Variants in PTPRM observed in about 807,000 individuals in gnomAD.
PTPRM encodes the protein protein tyrosine phosphatase receptor type M, also known as receptor-type tyrosine-protein phosphatase mu.
A neutral mutation model predicts 186.7 loss-of-function variants in PTPRM; 47 were observed. That is an observed-to-expected ratio of 0.25 (90% CI 0.20 to 0.32). PTPRM has a LOEUF of 0.32. Ranked by LOEUF, PTPRM falls within the 10% of genes least tolerant of loss-of-function variation. The probability of loss-of-function intolerance (pLI) is 1.00; values close to 1 mark genes in which losing one functional copy is unlikely to be tolerated. For synonymous variants in PTPRM, 668 were observed against 674.9 expected (o/e 0.99, Z 0.16); for missense variants, 1,494 against 1,865.0 (o/e 0.80, Z 3.66).
At position 8,380,421 on chromosome 18, in the gene PTPRM, T is replaced by C. The variant is rs3744983; in HGVS notation, c.3912T>C (p.Pro1304=). ...TAGTTATGCTAAATGATGTGGATCCTGCCCAGGTGAGACCCGGACTTCTTA... is the reference window on the plus strand; with the variant it reads ...TAGTTATGCTAAATGATGTGGATCCCGCCCAGGTGAGACCCGGACTTCTTA... The part of the protein sequence containing the change: ...TSVVMLNDVD[P]AQLCPQYWPE... Residue 1304 remains proline (P), a synonymous_variant, in exon 29 of 33, where the codon CCT becomes CCC. Coordinates refer to ENST00000580170, the MANE Select transcript of PTPRM (RefSeq NM_001105244.2). 525 of 1,614,216 alleles carry C rather than the reference T, an allele frequency of 3.3e-4. 3 individuals are homozygous for C. In the East Asian group the frequency reaches 0.011, roughly 33 times the overall value.
intron 1 of PTPRM, among the ~76,000 whole-genome samples, chr18:7,752,360 A>T (rs1041732842): frequency 6.6e-6 from 1 of 151,462 alleles, no homozygotes; most frequent in South Asian, 2.1e-4. Context: ...TTCTTTTTTT[A>T]AAAAAATTTC....
chr18:8,222,206 C>T (rs978575258), intron 14 of PTPRM, among the ~76,000 whole-genome samples: 1 of 152,096 alleles, frequency 6.6e-6, no homozygotes, highest in East Asian at 1.9e-4. Flanking sequence ...TTTTTCAGGC[C>T]AGATTTTGGT....
intron 4 of PTPRM, among the ~76,000 whole-genome samples, chr18:7,925,149 C>T (rs898207807): frequency 1.3e-5 from 2 of 152,058 alleles, no homozygotes; most frequent in Non-Finnish European, 2.9e-5. Flanking sequence ...AAGAGAAATT[C>T]ATTTAGGGAC....
chr18:7,859,028 G>A (rs1272712706), intron 2 of PTPRM, among the ~76,000 whole-genome samples: 2 of 152,120 alleles, frequency 1.3e-5, no homozygotes, highest in African/African-American at 4.8e-5. Flanking sequence ...CTGGGGTTTT[G>A]CCCCAAAGTG....
At chr18:7,673,137 T>A (rs2039257055) in intron 1 of PTPRM, among the ~76,000 whole-genome samples, 1 of 152,218 alleles carries the variant, frequency 6.6e-6, no homozygotes, top group East Asian at 1.9e-4. Flanking sequence ...TGGAGATTAA[T>A]GCTGGACTTG....
At chr18:8,095,852 C>T (rs980349366) in intron 11 of PTPRM, among the ~76,000 whole-genome samples, 11 of 152,006 alleles carry the variant, frequency 7.2e-5, no homozygotes, top group African/African-American at 9.7e-5. Flanking sequence ...AATACTAGAA[C>T]GCTTGAAATT....
intron 3 of PTPRM, 25 bp from the exon 4 acceptor site, chr18:7,906,480 A>C (rs769193392): frequency 1.9e-6 from 3 of 1,549,568 alleles, no homozygotes; most frequent in South Asian, 1.1e-5. Flanking sequence ...TGAATAAATA[A>C]TGTAAATCTT....
chr18:8,208,967 C>T (rs1436705981), intron 14 of PTPRM, among the ~76,000 whole-genome samples: 1 of 152,052 alleles, frequency 6.6e-6, no homozygotes, highest in Non-Finnish European at 1.5e-5. Context: ...TCCTTGTGGC[C>T]GGAGCAGGAT....
At chr18:7,592,657 A>G (rs1198605300) in intron 1 of PTPRM, among the ~76,000 whole-genome samples, 1 of 152,236 alleles carries the variant, frequency 6.6e-6, no homozygotes, top group Non-Finnish European at 1.5e-5. Flanking sequence ...TATGAGGTCC[A>G]TGTAATCTTT....
intron 22 of PTPRM, among the ~76,000 whole-genome samples, chr18:8,326,916 C>T (rs9304010): frequency 0.37 from 56,197 of 152,026 alleles, 10,481 homozygotes; most frequent in African/African-American, 0.42. Context: ...TTTTAATACC[C>T]AGTAAGTTGC....
intron 14 of PTPRM, among the ~76,000 whole-genome samples, chr18:8,174,536 C>T (rs2093452953): frequency 6.6e-6 from 1 of 152,040 alleles, no homozygotes; most frequent in Non-Finnish European, 1.5e-5. Context: ...ATCAACCAAG[C>T]AGTATAAGCA....
At chr18:8,280,038 A>C (rs888344851) in intron 19 of PTPRM, among the ~76,000 whole-genome samples, 1 of 151,192 alleles carries the variant, frequency 6.6e-6, no homozygotes, top group African/African-American at 2.4e-5. Context: ...CCGTGACTGG[A>C]AATGATGCAT....
chr18:7,882,460 C>T (rs569202813), intron 2 of PTPRM, among the ~76,000 whole-genome samples: 32 of 152,152 alleles, frequency 2.1e-4, no homozygotes, highest in Non-Finnish European at 4.0e-4. Context: ...AGGAGATATG[C>T]CTGCAGTGAT....
chr18:7,874,558 A>AAG (rs371357358), intron 2 of PTPRM, among the ~76,000 whole-genome samples: 2 of 152,206 alleles, frequency 1.3e-5, no homozygotes, highest in Admixed American at 1.3e-4. Flanking sequence ...GCAAAAAAAA[A>AAG]AGAGAGAGAG....
intron 7 of PTPRM, among the ~76,000 whole-genome samples, chr18:7,959,007 C>G (rs758226413): frequency 6.6e-5 from 10 of 152,178 alleles, no homozygotes; most frequent in Non-Finnish European, 1.2e-4. Context: ...CTGCCTGGCA[C>G]TAGACATAGG....
At chr18:7,844,145 C>T (rs1436779852) in intron 2 of PTPRM, among the ~76,000 whole-genome samples, 2 of 152,136 alleles carry the variant, frequency 1.3e-5, no homozygotes, top group Non-Finnish European at 2.9e-5. Context: ...ATGTAGACCC[C>T]ACCACTCAGT....
chr18:7,841,524 G>C (rs933590641), intron 2 of PTPRM, among the ~76,000 whole-genome samples: 1 of 151,912 alleles, frequency 6.6e-6, no homozygotes, highest in Non-Finnish European at 1.5e-5. Context: ...TTGATCTCCT[G>C]ACTTCGTGAT....
At chr18:8,163,584 C>CT (rs2093269832) in intron 14 of PTPRM, among the ~76,000 whole-genome samples, 1 of 152,058 alleles carries the variant, frequency 6.6e-6, no homozygotes, top group South Asian at 2.1e-4. Context: ...TCCTGTGTAC[C>CT]TTTTTCACTT....
chr18:8,344,476 C>A (rs187812787), intron 23 of PTPRM, among the ~76,000 whole-genome samples: 131 of 118,134 alleles, frequency 1.1e-3, no homozygotes, highest in Non-Finnish European at 1.6e-3. Flanking sequence ...ATATATATAT[C>A]TAGCAAAAAT....
Sources: allele counts gnomAD v4.1 joint callset (sites outside exome capture counted in the v4.1 genomes callset), GRCh38; gene constraint gnomAD v4.1.1; transcripts MANE v1.5; gene names NCBI Gene and HGNC (gene_info 2026-07-23, HGNC 2026-07-21).